SV2C: variants seen among roughly 807,000 people sequenced by gnomAD.
SV2C encodes synaptic vesicle glycoprotein 2C, also known as solute carrier family 22 member B3.
SV2C carries 49 observed loss-of-function variants against 79.7 expected under a neutral mutation model. The observed-to-expected ratio is 0.61, with a 90% CI of 0.49 to 0.78. The LOEUF (loss-of-function observed/expected upper bound fraction) is 0.78, where lower values mean the gene tolerates loss of function less well. Among genes scored for constraint, SV2C ranks in the 30% least tolerant of loss-of-function variants. SV2C has a pLI of 0.00. For missense variants in SV2C, 833 were observed against 912.9 expected (o/e 0.91, Z 1.13); for synonymous variants, 334 against 333.2 (o/e 1.00, Z -0.03).
intron 6 of SV2C, among the ~76,000 whole-genome samples, chr5:76,287,069 G>A (rs757531856): frequency 2.4e-4 from 37 of 152,222 alleles, no homozygotes; most frequent in Non-Finnish European, 4.1e-4. Flanking sequence ...CAATGTGTTC[G>A]CTTTTCAGGA....
At chr5:75,985,304 A>C in the SV2C span, among the ~76,000 whole-genome samples, 46 of 151,850 alleles carry the variant, frequency 3.0e-4, no homozygotes, top group Admixed American at 3.0e-3. Flanking sequence ...ATCTGCTCCT[A>C]TGATCCAAAC....
the SV2C span, among the ~76,000 whole-genome samples, chr5:76,036,564 A>C: frequency 6.2e-4 from 94 of 152,128 alleles, no homozygotes; most frequent in Non-Finnish European, 2.2e-4. Context: ...AGAATGTTGA[A>C]TATTGGCCCC....
the SV2C span, among the ~76,000 whole-genome samples, chr5:76,051,969 C>A: frequency 6.6e-6 from 1 of 152,026 alleles, no homozygotes; most frequent in Non-Finnish European, 1.5e-5. Context: ...TTATTGTCTG[C>A]AAAGTAATAG....
chr5:75,900,142 G>T, the SV2C span, among the ~76,000 whole-genome samples: 1 of 152,274 alleles, frequency 6.6e-6, no homozygotes, highest in African/African-American at 2.4e-5. Flanking sequence ...GTTAGTTGAT[G>T]CAGTTCCTTC....
At chr5:76,158,911 G>A (rs34909397) in intron 2 of SV2C, among the ~76,000 whole-genome samples, 69,627 of 151,708 alleles carry the variant, frequency 0.46, 16,245 homozygotes, top group South Asian at 0.53. Context: ...ATACTAGCAA[G>A]CTGAATCCAG....
chr5:76,149,553 T>G (rs568961444), intron 2 of SV2C, among the ~76,000 whole-genome samples: 1 of 152,368 alleles, frequency 6.6e-6, no homozygotes, highest in South Asian at 2.1e-4. Context: ...AATGATACTA[T>G]GTTTTTAAAT....
At chr5:76,194,191 C>A (rs1339318384) in intron 2 of SV2C, among the ~76,000 whole-genome samples, 1 of 152,104 alleles carries the variant, frequency 6.6e-6, no homozygotes, top group Non-Finnish European at 1.5e-5. Context: ...TGGGCTGGAG[C>A]TATATGAAAG....
At chr5:75,903,541 A>G in the SV2C span, among the ~76,000 whole-genome samples, 1 of 152,068 alleles carries the variant, frequency 6.6e-6, no homozygotes, top group East Asian at 1.9e-4. Context: ...CCACTGCAGT[A>G]CTCTCAGCAT....
intron 9 of SV2C, among the ~76,000 whole-genome samples, chr5:76,297,422 G>A (rs987906569): frequency 6.6e-6 from 1 of 152,100 alleles, no homozygotes; most frequent in African/African-American, 2.4e-5. Context: ...GCCTGGGGAT[G>A]GATGGGAAAA....
intron 4 of SV2C, among the ~76,000 whole-genome samples, chr5:76,215,225 C>T (rs1266806045): frequency 6.6e-6 from 1 of 152,102 alleles, no homozygotes; most frequent in African/African-American, 2.4e-5. Flanking sequence ...TGAGATTCTT[C>T]AGCTTCCTGT....
intron 4 of SV2C, among the ~76,000 whole-genome samples, chr5:76,236,305 C>T (rs934780937): frequency 1.3e-5 from 2 of 152,114 alleles, no homozygotes; most frequent in Non-Finnish European, 2.9e-5. Context: ...CATGGTGGCT[C>T]ACACCTGTAA....
At chr5:76,057,482 G>T in the SV2C span, among the ~76,000 whole-genome samples, 1 of 150,258 alleles carries the variant, frequency 6.7e-6, no homozygotes, top group Non-Finnish European at 1.5e-5. Flanking sequence ...TGTGGTGTTT[G>T]GTTTTCTGTG....
In SV2C at chr5:76,330,915, G is replaced by A. The variant is rs925724807; in HGVS notation, c.*5368G>A. On this transcript the variant is annotated 3_prime_UTR_variant, in exon 13 of 13. Coordinates refer to ENST00000502798, the MANE Select transcript of SV2C (RefSeq NM_014979.4). ...TCTATTACTTAGGCCGGAGTGCAGTGGTGCAATCTCGGCTCAATGCAACTT... is the reference window on the plus strand; with the variant it reads ...TCTATTACTTAGGCCGGAGTGCAGTAGTGCAATCTCGGCTCAATGCAACTT... The A allele has an allele frequency of 6.6e-6, 1 of 151,440 alleles. No individual in the cohort carries two copies. Among genetic ancestry groups the A allele is most frequent in the Admixed American group, 6.6e-5 (1 of 15,214 alleles). The allele number at this position is 151,440 out of a possible 1,614,324, so 9.4% of individuals were successfully genotyped here. A position where few individuals can be genotyped will look rare whatever the true frequency, so the allele number is the denominator to read the frequency against.
chr5:76,248,732 C>G (rs1400887971), intron 4 of SV2C, among the ~76,000 whole-genome samples: 5 of 151,994 alleles, frequency 3.3e-5, no homozygotes, highest in Admixed American at 2.0e-4. Flanking sequence ...CATCCTCCCA[C>G]CTCAGCCTCC....
chr5:76,242,328 G>A, intron 4 of SV2C: 1 of 1,444,598 alleles, frequency 6.9e-7, no homozygotes, highest in African/African-American at 1.4e-5. Flanking sequence ...GGACATAGGT[G>A]CTGGACGCGG....
intron 12 of SV2C, among the ~76,000 whole-genome samples, chr5:76,339,054 G>A (rs1313834010): frequency 1.2e-4 from 18 of 152,238 alleles, no homozygotes; most frequent in Non-Finnish European, 4.4e-5. Context: ...ATTGCTAAGA[G>A]CATGAGTTTG....
intron 2 of SV2C, among the ~76,000 whole-genome samples, chr5:76,171,748 G>A (rs1416711359): frequency 4.3e-5 from 6 of 138,496 alleles, no homozygotes; most frequent in African/African-American, 1.3e-4. Context: ...CGTGCCGTCC[G>A]GGAGGGAGGT....
intron 2 of SV2C, among the ~76,000 whole-genome samples, chr5:76,161,944 C>A (rs1344518476): frequency 6.6e-6 from 1 of 152,100 alleles, no homozygotes; most frequent in African/African-American, 2.4e-5. Context: ...ACCTTATCAC[C>A]TAGTTCTCCA....
intron 4 of SV2C, among the ~76,000 whole-genome samples, chr5:76,260,446 A>G (rs1746427872): frequency 6.6e-6 from 1 of 152,126 alleles, no homozygotes; most frequent in Non-Finnish European, 1.5e-5. Flanking sequence ...CTTTAGTTTA[A>G]TTAGATCCAG....
Sources: gnomAD v4.1 joint callset for allele counts (sites outside exome capture counted in the v4.1 genomes callset) on GRCh38, gnomAD v4.1.1 for gene constraint, MANE v1.5 for transcripts, NCBI Gene and HGNC (gene_info 2026-07-23, HGNC 2026-07-21) for gene names.